KCNK1: variants seen among roughly 807,000 people sequenced by gnomAD.
KCNK1 encodes potassium channel subfamily K member 1.
KCNK1 carries 10 observed loss-of-function variants against 22.2 expected under a neutral mutation model. The observed-to-expected ratio is 0.45, with a 90% CI of 0.28 to 0.76. The LOEUF (loss-of-function observed/expected upper bound fraction) is 0.76, where lower values mean the gene tolerates loss of function less well. KCNK1 is among the 30% of genes least tolerant of loss of function. The probability of loss-of-function intolerance (pLI) is 0.14; values close to 1 mark genes in which losing one functional copy is unlikely to be tolerated. For synonymous variants in KCNK1, 200 were observed against 186.4 expected, an observed-to-expected ratio of 1.07 and a Z score of -0.60; for missense variants, 378 against 421.0, an observed-to-expected ratio of 0.90 and a Z score of 0.89.
At chr1:233,634,083 G>A (rs1354908879) in intron 1 of KCNK1, among the ~76,000 whole-genome samples, 3 of 152,072 alleles carry the variant, frequency 2.0e-5, no homozygotes, top group East Asian at 3.9e-4. Context: ...CGAGGCGGGC[G>A]AATCACAAGG....
At chr1:233,656,502 C>A (rs773013257) in intron 1 of KCNK1, among the ~76,000 whole-genome samples, 17 of 152,324 alleles carry the variant, frequency 1.1e-4, no homozygotes, top group Non-Finnish European at 2.1e-4. Flanking sequence ...TGTTCTTCAC[C>A]CTGAGTGCTT....
At position 233,667,135 on chromosome 1, in the gene KCNK1, C is replaced by G. The variant is rs368413760; in HGVS notation, c.751+145C>G. The G allele has an allele frequency of 4.7e-4, 262 of 555,158 alleles. 4 individuals carry two copies. The South Asian group carries it at 0.012, about 24-fold the overall frequency. The allele number at this position is 555,158 out of a possible 1,614,324, so 34.4% of individuals were successfully genotyped here. A position where few individuals can be genotyped will look rare whatever the true frequency, so the allele number is the denominator to read the frequency against. ...CTTGGCTCACTGCAACCTCCGCCTT[C>G]CGGGTTCAAGGGATTCTCTGCATCA... On this transcript the variant is annotated intron_variant, in intron 2 of 2. Coordinates refer to ENST00000366621, the MANE Select transcript of KCNK1 (RefSeq NM_002245.4).
At chr1:233,620,319 T>C (rs1039128) in intron 1 of KCNK1, among the ~76,000 whole-genome samples, 108,184 of 152,072 alleles carry the variant, frequency 0.71, 38,682 homozygotes, top group Admixed American at 0.78. Context: ...AAAGGTACGC[T>C]AAGAGTATTC....
intron 1 of KCNK1, among the ~76,000 whole-genome samples, chr1:233,647,052 T>G (rs1191096175): frequency 1.3e-5 from 2 of 152,206 alleles, no homozygotes; most frequent in African/African-American, 4.8e-5. Context: ...TTTCTGAGAG[T>G]TAGAAAATTT....
Position 233,665,281 on chromosome 1 carries a change from T to G in KCNK1, c.356-1314T>G, listed in dbSNP as rs35995777. On this transcript the variant is annotated intron_variant, in intron 1 of 2. Transcript: ENST00000366621. ...AAGTATTCTCATGAGCGGTACAGAG[T>G]AAGAGATAACCACGTCCATGCACAT... Among the ~76,000 whole-genome samples the G allele has an allele frequency of 2.7e-3, 418 of 152,208 alleles. 2 individuals are homozygous for G. The highest frequency in any genetic ancestry group is 4.5e-3 in the Non-Finnish European group (307 of 68,008).
At chr1:233,654,075 T>C (rs183040128) in intron 1 of KCNK1, among the ~76,000 whole-genome samples, 134 of 152,022 alleles carry the variant, frequency 8.8e-4, no homozygotes, top group African/African-American at 3.1e-3. Context: ...TTAATCCTCC[T>C]AGAAAATACC....
At chr1:233,664,910 A>T (rs1406344968) in intron 1 of KCNK1, among the ~76,000 whole-genome samples, 1 of 152,160 alleles carries the variant, frequency 6.6e-6, no homozygotes, top group Non-Finnish European at 1.5e-5. Context: ...AAAAAAATGT[A>T]TTTAGCTGGC....
intron 1 of KCNK1, among the ~76,000 whole-genome samples, chr1:233,649,212 A>T (rs1024785295): frequency 6.6e-6 from 1 of 152,226 alleles, no homozygotes; most frequent in African/African-American, 2.4e-5. Flanking sequence ...TCTCAGTAAG[A>T]ATCTACTCCT....
At chr1:233,669,048 G>A (rs1455053809) in intron 2 of KCNK1, among the ~76,000 whole-genome samples, 4 of 152,132 alleles carry the variant, frequency 2.6e-5, no homozygotes, top group Non-Finnish European at 4.4e-5. Context: ...GAGTTGACAC[G>A]TCACCAGCAT....
In KCNK1 at chr1:233,672,025, A is replaced by C. The variant is rs1658609452; in HGVS notation, c.*495A>C. On this transcript the variant is annotated 3_prime_UTR_variant, in exon 3 of 3. Transcript: ENST00000366621. ...TTTTTGTAGAATCTAAGTTAAACTTACTATTTATAATGCATAGGTAACCAT... is the reference window on the plus strand; with the variant it reads ...TTTTTGTAGAATCTAAGTTAAACTTCCTATTTATAATGCATAGGTAACCAT... The C allele has an allele frequency of 6.1e-6, 1 of 162,828 alleles. No homozygotes were observed. Among genetic ancestry groups the C allele is most frequent in the South Asian group, 1.7e-4 (1 of 5,960 alleles). 10.1% of individuals were successfully genotyped at this position (162,828 alleles called of 1,614,324 possible).
At position 233,653,500 on chromosome 1, in the gene KCNK1, G is replaced by A. The variant is rs1469426451; in HGVS notation, c.356-13095G>A. Among the ~76,000 whole-genome samples the A allele has an allele frequency of 2.0e-5, 3 of 152,212 alleles. No individual in the cohort carries two copies. In the East Asian group the frequency reaches 5.8e-4, roughly 29 times the overall value. ...TGCATCTGTGAGGGTGTTTCTGGAAGAGATTAGCATTTGAATCAGTAGACT... is the reference window on the plus strand; with the variant it reads ...TGCATCTGTGAGGGTGTTTCTGGAAAAGATTAGCATTTGAATCAGTAGACT... On this transcript the variant is annotated intron_variant, in intron 1 of 2. Transcript: ENST00000366621.
chr1:233,668,798 G>C (rs922106026), intron 2 of KCNK1, among the ~76,000 whole-genome samples: 2 of 152,066 alleles, frequency 1.3e-5, no homozygotes, highest in African/African-American at 4.8e-5. Flanking sequence ...GTAGAGACAG[G>C]GTTTCACCAT....
intron 1 of KCNK1, 59 bp downstream of exon 1, chr1:233,614,585 C>A (rs1657449344): frequency 1.5e-6 from 2 of 1,359,338 alleles, no homozygotes; most frequent in African/African-American, 2.9e-5. Context: ...ACCCACACAC[C>A]CCGGCCCCGG....
Position 233,666,894 on chromosome 1 carries a change from T to A in KCNK1, c.655T>A (p.Cys219Ser). ...DWNFLESFYF[C>S]FISLSTIGLG... ...GAACTTCCTGGAATCCTTTTATTTT[T>A]GTTTTATTTCCCTGAGCACCATTGG... The change falls in exon 2 of 3, where the codon TGT (cysteine) becomes AGT (serine). Residue 219 changes from cysteine to serine, a missense_variant. Coordinates refer to ENST00000366621, the MANE Select transcript of KCNK1 (RefSeq NM_002245.4). 6.2e-7 allele frequency: 1 copy of A among 1,614,190 alleles called. No individual in the cohort carries two copies. The highest frequency in any genetic ancestry group is 8.5e-7 in the Non-Finnish European group (1 of 1,180,034).
intron 1 of KCNK1, among the ~76,000 whole-genome samples, chr1:233,615,353 G>A (rs887907467): frequency 6.6e-6 from 1 of 152,206 alleles, no homozygotes; most frequent in Non-Finnish European, 1.5e-5. Context: ...GGCCATGGAG[G>A]AGCCTCCTCA....
intron 1 of KCNK1, chr1:233,629,812 A>C (rs1290757835): frequency 2.0e-5 from 3 of 152,240 alleles, no homozygotes; most frequent in African/African-American, 7.2e-5. Context: ...CTAGGTGGAC[A>C]TAAATGGAAA....
intron 1 of KCNK1, among the ~76,000 whole-genome samples, chr1:233,648,412 T>A (rs1658140769): frequency 6.6e-6 from 1 of 152,232 alleles, no homozygotes; most frequent in Non-Finnish European, 1.5e-5. Flanking sequence ...CATCCTTGTT[T>A]CATCCATCCC....
chr1:233,656,773 C>T lies in KCNK1; in HGVS notation c.356-9822C>T, dbSNP rs571068817. Reference sequence around the variant, plus strand: ...AGCTGGGACTACTGGCACATGCCACCATGCCCAGCTAATTTATTTAGTTTT... The same window carrying T: ...AGCTGGGACTACTGGCACATGCCACTATGCCCAGCTAATTTATTTAGTTTT... On this transcript the variant is annotated intron_variant, in intron 1 of 2. Transcript: ENST00000366621. Among the ~76,000 whole-genome samples the T allele has an allele frequency of 3.3e-5, 5 of 152,248 alleles. No individual in the cohort carries two copies. The South Asian group carries it at 6.2e-4, about 19-fold the overall frequency.
chr1:233,624,149 A>T (rs1048963819), intron 1 of KCNK1: 3 of 154,188 alleles, frequency 1.9e-5, no homozygotes, highest in Non-Finnish European at 4.4e-5. Context: ...ACTCTGCTTC[A>T]CTGAAGCCTC....
Sources: gnomAD v4.1 joint callset for allele counts (sites outside exome capture counted in the v4.1 genomes callset) on GRCh38, gnomAD v4.1.1 for gene constraint, MANE v1.5 for transcripts, NCBI Gene and HGNC (gene_info 2026-07-23, HGNC 2026-07-21) for gene names.